SCOC: variants seen among roughly 807,000 people sequenced by gnomAD.
SCOC encodes short coiled coil protein.
SCOC carries 7 observed loss-of-function variants against 9.9 expected under a neutral mutation model. The observed-to-expected ratio is 0.71, with a 90% CI of 0.40 to 1.33. The LOEUF (loss-of-function observed/expected upper bound fraction) is 1.33, where lower values mean the gene tolerates loss of function less well. SCOC is among the 40% of genes most tolerant of loss of function. The pLI is 0.01. For missense variants in SCOC, 66 were observed against 89.7 expected (o/e 0.74, Z 1.07); for synonymous variants, 19 against 28.2 (o/e 0.67, Z 1.03).
At chr4:140,374,646 A>T (rs1218456583) in intron 1 of SCOC, among the ~76,000 whole-genome samples, 2 of 152,172 alleles carry the variant, frequency 1.3e-5, no homozygotes, top group African/African-American at 4.8e-5. Context: ...AATGGAGTTT[A>T]TTTTCAGTTG....
chr4:140,347,226 AC>A (rs1726776891), intron 2 of SCOC, among the ~76,000 whole-genome samples: 2 of 152,142 alleles, frequency 1.3e-5, no homozygotes, highest in African/African-American at 4.8e-5. Flanking sequence ...TTGGATCTAA[AC>A]ACTTAATATA....
At chr4:140,320,953 G>A (rs112880364) in intron 1 of SCOC, among the ~76,000 whole-genome samples, 35 of 152,208 alleles carry the variant, frequency 2.3e-4, no homozygotes, top group African/African-American at 3.4e-4. Flanking sequence ...ATAAGAGGTC[G>A]CCCCTCTCCC....
chr4:140,317,321 C>T (rs1257028237), intron 1 of SCOC, among the ~76,000 whole-genome samples: 2 of 152,198 alleles, frequency 1.3e-5, no homozygotes, highest in East Asian at 3.8e-4. Context: ...GCAGATAGCA[C>T]AGCACCGTGT....
chr4:140,357,022 T>G (rs1727258893), intron 2 of SCOC, among the ~76,000 whole-genome samples: 1 of 152,162 alleles, frequency 6.6e-6, no homozygotes, highest in Non-Finnish European at 1.5e-5. Flanking sequence ...CAAGCTGGAG[T>G]GCAGTGGTGC....
intron 1 of SCOC, among the ~76,000 whole-genome samples, chr4:140,268,039 A>T (rs1301868528): frequency 6.6e-6 from 1 of 152,188 alleles, no homozygotes; most frequent in Non-Finnish European, 1.5e-5. Context: ...ACTTGACCCC[A>T]TTCTCTCCAG....
intron 1 of SCOC, chr4:140,343,532 G>C: frequency 2.5e-6 from 2 of 801,286 alleles, no homozygotes; most frequent in Non-Finnish European, 2.1e-6. Flanking sequence ...GATAGCACCT[G>C]CTTGGAAGTT....
At chr4:140,269,064 G>T (rs1424091105) in intron 1 of SCOC, among the ~76,000 whole-genome samples, 1 of 152,134 alleles carries the variant, frequency 6.6e-6, no homozygotes, top group Non-Finnish European at 1.5e-5. Flanking sequence ...AATATCAAAA[G>T]TTCAGAACGG....
At chr4:140,293,166 C>G in intron 1 of SCOC, 1 of 396,182 alleles carries the variant, frequency 2.5e-6, no homozygotes, top group Non-Finnish European at 5.0e-6. Flanking sequence ...ATTGCACATG[C>G]AAAGCCATTC....
At chr4:140,279,522 A>C (rs564960490) in intron 1 of SCOC, among the ~76,000 whole-genome samples, 13 of 152,246 alleles carry the variant, frequency 8.5e-5, no homozygotes, top group African/African-American at 3.1e-4. Flanking sequence ...TGGACACGCT[A>C]AATAATAAGT....
chr4:140,373,937 G>C (rs1302785433), intron 1 of SCOC: 2 of 694,606 alleles, frequency 2.9e-6, no homozygotes, highest in East Asian at 5.5e-5. Flanking sequence ...TCGTTGTCAG[G>C]CCCAGGCGTT....
chr4:140,383,173 C>T lies in SCOC; in HGVS notation c.*2069C>T, dbSNP rs1728622585. 1 of 152,186 alleles carries T rather than the reference C, an allele frequency of 6.6e-6. No homozygotes were observed. The highest frequency in any genetic ancestry group is 1.5e-5 in the Non-Finnish European group (1 of 68,032). The allele number at this position is 152,186 out of a possible 1,614,324, so 9.4% of individuals were successfully genotyped here. ...TAGTCCCTGGCTGGGAAGCCATCTT[C>T]CAGCTATAAATACAAGATTTTGGTG... On this transcript the variant is annotated 3_prime_UTR_variant, in exon 4 of 4. Coordinates refer to ENST00000608372, the MANE Select transcript of SCOC (RefSeq NM_001153484.2).
chr4:140,370,027 T>C (rs532445474), upstream of SCOC, among the ~76,000 whole-genome samples: 25 of 152,150 alleles, frequency 1.6e-4, no homozygotes, highest in African/African-American at 5.8e-4. Flanking sequence ...GAAAATAAGC[T>C]GAAAGCTGAG....
intron 1 of SCOC, among the ~76,000 whole-genome samples, chr4:140,305,635 TG>T (rs1414543481): frequency 1.3e-5 from 2 of 152,126 alleles, no homozygotes; most frequent in African/African-American, 4.8e-5. Flanking sequence ...GGCTTTAAGT[TG>T]GTTTGTCAAG....
chr4:140,379,602 A>G lies in SCOC; in HGVS notation c.56A>G (p.Glu19Gly), dbSNP rs781407548. The G allele has an allele frequency of 6.2e-7, 1 of 1,612,886 alleles. No homozygotes were observed. The highest frequency in any genetic ancestry group is 1.1e-5 in the South Asian group (1 of 90,950). The part of the protein sequence containing the change: ...VDAENQVELE[E>G]KTRLINQVLE... ...GCTGAAAATCAAGTGGAACTGGAGG[A>G]AAAAACAAGACTTATTAATCAAGTG... is the stretch of plus-strand genomic sequence containing the variant. The change falls in exon 3 of 4, where the codon GAA becomes GGA. Residue 19 changes from glutamate (E) to glycine (G), a missense_variant. Coordinates refer to ENST00000608372, the MANE Select transcript of SCOC (RefSeq NM_001153484.2).
At chr4:140,341,732 T>C (rs187133165), upstream of SCOC, among the ~76,000 whole-genome samples, 200 of 152,266 alleles carry the variant, frequency 1.3e-3, 1 homozygote, top group Admixed American at 3.1e-3. Context: ...GGACCTCAGC[T>C]ACTGTGCTCT....
chr4:140,302,858 C>T (rs564359346), intron 1 of SCOC, among the ~76,000 whole-genome samples: 2 of 152,248 alleles, frequency 1.3e-5, no homozygotes, highest in East Asian at 1.9e-4. Flanking sequence ...CCTTATTTGA[C>T]TGTGCAATCA....
chr4:140,301,004 C>A (rs1163679042), intron 1 of SCOC, among the ~76,000 whole-genome samples: 2 of 152,062 alleles, frequency 1.3e-5, no homozygotes, highest in Non-Finnish European at 2.9e-5. Context: ...AAAATGGGAG[C>A]CCAAAGAAGG....
chr4:140,333,206 G>T (rs1732869771), intron 1 of SCOC, among the ~76,000 whole-genome samples: 1 of 152,058 alleles, frequency 6.6e-6, no homozygotes, highest in Non-Finnish European at 1.5e-5. Flanking sequence ...CAATGTCATT[G>T]CATCAGCCAG....
At chr4:140,373,780 C>A (rs1728183750) in intron 1 of SCOC, 63 bp downstream of exon 1, 1 of 1,463,430 alleles carries the variant, frequency 6.8e-7, no homozygotes, top group South Asian at 1.2e-5. Flanking sequence ...ATCCTCAGTA[C>A]CTCCGAGGGC....
Sources: gnomAD v4.1 joint callset for allele counts (sites outside exome capture counted in the v4.1 genomes callset) on GRCh38, gnomAD v4.1.1 for gene constraint, MANE v1.5 for transcripts, NCBI Gene and HGNC (gene_info 2026-07-23, HGNC 2026-07-21) for gene names.